The following ME2 variants were observed in gnomAD, a reference collection of about 807,000 sequenced individuals.
The protein encoded by ME2 is NAD-dependent malic enzyme, mitochondrial.
Under a neutral mutation model 73.7 loss-of-function variants are expected in ME2, and 60 were observed. That is an observed-to-expected ratio of 0.81 (90% confidence interval 0.66 to 1.01). The LOEUF (loss-of-function observed/expected upper bound fraction) is 1.01. Among genes scored for constraint, ME2 ranks in the 50% least tolerant of loss-of-function variants. The pLI, the probability that ME2 is intolerant of heterozygous loss-of-function variation, is 0.00. For synonymous variants in ME2, 199 were observed against 236.9 expected, an observed-to-expected ratio of 0.84 and a Z score of 1.47; for missense variants, 594 against 705.5, an observed-to-expected ratio of 0.84 and a Z score of 1.79.
chr18:50,911,965 T>C (rs1917168506), intron 3 of ME2, among the ~76,000 whole-genome samples: 1 of 152,118 alleles, frequency 6.6e-6, no homozygotes, highest in African/African-American at 2.4e-5. Flanking sequence ...TGATGGTAGC[T>C]TGTACTGTGC....
intron 10 of ME2, among the ~76,000 whole-genome samples, chr18:50,921,787 A>G (rs1917437539): frequency 6.6e-6 from 1 of 152,102 alleles, no homozygotes; most frequent in Non-Finnish European, 1.5e-5. Context: ...AAATCTGTGG[A>G]CCCTATCCCC....
At chr18:50,921,317 T>G (rs764285667) in intron 10 of ME2, 130 bp downstream of exon 10, 19 of 517,590 alleles carry the variant, frequency 3.7e-5, no homozygotes, top group Non-Finnish European at 6.4e-5. Context: ...CCTTCCACTC[T>G]CTTTTCAACA....
chr18:50,927,760 C>T (rs1917594440), intron 12 of ME2, among the ~76,000 whole-genome samples: 1 of 86,830 alleles, frequency 1.2e-5, no homozygotes, highest in African/African-American at 4.4e-5. Context: ...ATACACACCA[C>T]AGTACTGTTA....
chr18:50,888,626 CTA>C (rs1916537173), intron 1 of ME2, among the ~76,000 whole-genome samples: 1 of 151,608 alleles, frequency 6.6e-6, no homozygotes, highest in Admixed American at 6.6e-5. Flanking sequence ...CTCGTGATAA[CTA>C]TAATTGTGAT....
chr18:50,945,556 A>G (rs765798842), intron 15 of ME2, among the ~76,000 whole-genome samples: 20 of 152,228 alleles, frequency 1.3e-4, no homozygotes, highest in Non-Finnish European at 2.8e-4. Context: ...ACAGAAAACA[A>G]TTGAACACAT....
rs1231708447 is a variant in ME2 at position 50,908,260 on chromosome 18, T to C, written c.242+64T>C. On this transcript the variant is annotated intron_variant, in intron 3 of 15. Coordinates refer to ENST00000321341, the MANE Select transcript of ME2 (RefSeq NM_002396.5). ...CTGATTAGAAAACTTATGAGCATTA[T>C]GGTTATTATGGCATGAGAAATACAC... The C allele has an allele frequency of 7.8e-6, 9 of 1,156,606 alleles. No homozygotes were observed. In the African/African-American group the frequency reaches 1.1e-4, roughly 14 times the overall value. The allele number at this position is 1,156,606 out of a possible 1,614,324, so 71.6% of individuals were successfully genotyped here. A position where few individuals can be genotyped will look rare whatever the true frequency, so the allele number is the denominator to read the frequency against.
chr18:50,881,544 A>G (rs1210128830), intron 1 of ME2, among the ~76,000 whole-genome samples: 1 of 152,246 alleles, frequency 6.6e-6, no homozygotes, highest in Non-Finnish European at 1.5e-5. Context: ...TACAAATTTC[A>G]AAAGTGATAA....
chr18:50,900,260 G>T (rs1916854627), intron 2 of ME2, among the ~76,000 whole-genome samples: 1 of 145,970 alleles, frequency 6.9e-6, no homozygotes, highest in African/African-American at 2.6e-5. Flanking sequence ...AAGGAAAAAA[G>T]TAAGAATAAT....
intron 13 of ME2, among the ~76,000 whole-genome samples, chr18:50,938,346 G>A (rs941593355): frequency 1.3e-5 from 2 of 151,784 alleles, no homozygotes; most frequent in South Asian, 2.1e-4. Context: ...TTTTTAAAAG[G>A]GATCCTACAT....
At chr18:50,914,714 T>C (rs1056622501) in intron 4 of ME2, among the ~76,000 whole-genome samples, 2 of 152,174 alleles carry the variant, frequency 1.3e-5, no homozygotes, top group African/African-American at 4.8e-5. Flanking sequence ...CTAAACTGAT[T>C]TGAACTGTAA....
chr18:50,908,890 C>T (rs1402708225), intron 3 of ME2, among the ~76,000 whole-genome samples: 1 of 152,020 alleles, frequency 6.6e-6, no homozygotes, highest in Admixed American at 6.6e-5. Flanking sequence ...ATCCGCCCGC[C>T]TCAGCCTCCC....
At chr18:50,897,346 AT>A (rs1916769488) in intron 2 of ME2, among the ~76,000 whole-genome samples, 1 of 152,204 alleles carries the variant, frequency 6.6e-6, no homozygotes, top group Non-Finnish European at 1.5e-5. Flanking sequence ...GGACTTAGAG[AT>A]TATAAGAAAT....
intron 3 of ME2, among the ~76,000 whole-genome samples, chr18:50,910,454 A>C (rs201615652): frequency 2.1e-4 from 32 of 150,360 alleles, no homozygotes; most frequent in African/African-American, 7.5e-4. Flanking sequence ...AAAAAAAAAA[A>C]AAAGAAAAAG....
chr18:50,895,745 C>A, intron 1 of ME2, 64 bp from the exon 2 acceptor site: 3 of 983,570 alleles, frequency 3.1e-6, no homozygotes, highest in Non-Finnish European at 4.7e-6. Context: ...AAACTGATAC[C>A]CGATGGACAT....
At position 50,887,512 on chromosome 18, in the gene ME2, A is replaced by G. The variant is rs531524040; in HGVS notation, c.-13+8204A>G. ...ATTTTGGGAAGCTGAGAATGGGGAA[A>G]CACTTTTCTCTCCATAAATGAAGAC... is the stretch of plus-strand genomic sequence containing the variant. On this transcript the variant is annotated intron_variant, in intron 1 of 15. Transcript: ENST00000321341. Among the ~76,000 whole-genome samples the G allele has an allele frequency of 1.6e-4, 24 of 152,320 alleles. No homozygotes were observed. In the East Asian group the frequency reaches 4.2e-3, roughly 27 times the overall value.
At chr18:50,884,897 C>T (rs752981729) in intron 1 of ME2, among the ~76,000 whole-genome samples, 5 of 151,860 alleles carry the variant, frequency 3.3e-5, no homozygotes, top group Non-Finnish European at 5.9e-5. Flanking sequence ...TCTTGTTGCC[C>T]AGGCTGCAGT....
intron 12 of ME2, among the ~76,000 whole-genome samples, chr18:50,928,092 A>G (rs1917604019): frequency 6.6e-6 from 1 of 151,778 alleles, no homozygotes; most frequent in South Asian, 2.1e-4. Flanking sequence ...TGCTGGGATT[A>G]CAGACATGAG....
chr18:50,910,074 A>G (rs746453388), intron 3 of ME2, among the ~76,000 whole-genome samples: 1 of 152,104 alleles, frequency 6.6e-6, no homozygotes, highest in East Asian at 1.9e-4. Context: ...TAGAAGGGCC[A>G]GGGTTGAGTA....
At chr18:50,926,354 G>A (rs192907359) in intron 12 of ME2, among the ~76,000 whole-genome samples, 21 of 152,160 alleles carry the variant, frequency 1.4e-4, no homozygotes, top group South Asian at 6.2e-4. Context: ...CTGCATAGAC[G>A]TAAAAGTTGG....
Sources: allele counts gnomAD v4.1 joint callset (sites outside exome capture counted in the v4.1 genomes callset), GRCh38; gene constraint gnomAD v4.1.1; transcripts MANE v1.5; gene names NCBI Gene and HGNC (gene_info 2026-07-23, HGNC 2026-07-21).